Variants in AREL1 observed in about 807,000 individuals in gnomAD.
AREL1 encodes apoptosis-resistant E3 ubiquitin protein ligase 1.
AREL1 carries 62 observed loss-of-function variants against 99.0 expected under a neutral mutation model. The observed-to-expected ratio is 0.63, with a 90% CI of 0.51 to 0.77. The LOEUF (loss-of-function observed/expected upper bound fraction) is 0.77. Among genes scored for constraint, AREL1 ranks in the 30% least tolerant of loss-of-function variants. The pLI is 0.00. For synonymous variants in AREL1, 380 were observed against 376.5 expected (o/e 1.01, Z -0.11); for missense variants, 879 against 1,027.6 (o/e 0.86, Z 1.98).
At chr14:74,708,287 C>A (rs2090222144) in intron 1 of AREL1, among the ~76,000 whole-genome samples, 2 of 152,170 alleles carry the variant, frequency 1.3e-5, no homozygotes, top group African/African-American at 4.8e-5. Flanking sequence ...TTCTCACTCC[C>A]CCTTAGAATT....
In AREL1 at chr14:74,676,635, T is replaced by C. The variant is rs1327905185; in HGVS notation, c.599A>G (p.Asn200Ser). 2 of 1,613,936 alleles carry C rather than the reference T, an allele frequency of 1.2e-6. No individual in the cohort carries two copies. Among genetic ancestry groups the C allele is most frequent in the African/African-American group, 1.3e-5 (1 of 74,900 alleles). The change falls in exon 6 of 20, where the codon AAC becomes AGC. Residue 200 changes from asparagine (N) to serine (S), a missense_variant. Asn to Ser is a conservative substitution (Grantham distance 46). Transcript: ENST00000356357. ...VPRDEYDNPT[N>S]NSMSLRDEHN... ...CTCATCTCTCAAGGACATGGAATTG[T>C]TGGTGGGATTATCATACTCATCTCG...
At chr14:74,685,813 G>A (rs920192840) in intron 2 of AREL1, among the ~76,000 whole-genome samples, 153 bp from the exon 3 acceptor site, 4 of 152,178 alleles carry the variant, frequency 2.6e-5, no homozygotes, top group South Asian at 2.1e-4. Context: ...GACAGGTGCC[G>A]TATAATATAT....
At chr14:74,698,476 G>A (rs2090016160) in intron 1 of AREL1, among the ~76,000 whole-genome samples, 2 of 152,096 alleles carry the variant, frequency 1.3e-5, no homozygotes, top group African/African-American at 2.4e-5. Context: ...CCTCTTCATC[G>A]TTCATTCTTC....
chr14:74,688,286 A>C (rs2089794062), intron 2 of AREL1, among the ~76,000 whole-genome samples: 1 of 151,924 alleles, frequency 6.6e-6, no homozygotes, highest in Non-Finnish European at 1.5e-5. Flanking sequence ...CAGCCTCCCA[A>C]AGTGCTGGGA....
Position 74,676,890 on chromosome 14 carries a change from G to C in AREL1, c.482-138C>G, listed in dbSNP as rs943115898. Reference sequence around the variant, plus strand: ...CGGCTCACTGCAAGCTCTGCCTTCCGGGCTCATGCCATTCTCCTGCCTCAG... The same window carrying C: ...CGGCTCACTGCAAGCTCTGCCTTCCCGGCTCATGCCATTCTCCTGCCTCAG... On this transcript the variant is annotated intron_variant, in intron 5 of 19. Coordinates refer to ENST00000356357, the MANE Select transcript of AREL1 (RefSeq NM_001039479.2). 6.0e-6 allele frequency: 4 copies of C among 664,048 alleles called. No homozygotes were observed. In the South Asian group the frequency reaches 1.3e-4, roughly 22 times the overall value. 41.1% of individuals were successfully genotyped at this position (664,048 alleles called of 1,614,324 possible).
intron 1 of AREL1, among the ~76,000 whole-genome samples, chr14:74,700,573 T>C (rs984402012): frequency 5.9e-5 from 9 of 152,262 alleles, no homozygotes; most frequent in African/African-American, 2.2e-4. Flanking sequence ...GTTCAGGAGA[T>C]CGAGACCATT....
intron 11 of AREL1, among the ~76,000 whole-genome samples, chr14:74,672,496 G>A (rs565506124): frequency 6.6e-6 from 1 of 152,224 alleles, no homozygotes; most frequent in South Asian, 2.1e-4. Flanking sequence ...CAACACTTTG[G>A]GAGGCTGAGG....
intron 1 of AREL1, among the ~76,000 whole-genome samples, chr14:74,696,620 A>C (rs2089983742): frequency 6.6e-6 from 1 of 152,154 alleles, no homozygotes; most frequent in African/African-American, 2.4e-5. Flanking sequence ...TGAACTGGGA[A>C]GATCACTTGA....
In AREL1 at chr14:74,661,643, G is replaced by A. The variant is rs1191118300; in HGVS notation, c.*2077C>T. 1 of 187,094 alleles carries A rather than the reference G, an allele frequency of 5.3e-6. No individual in the cohort carries two copies. Among genetic ancestry groups the A allele is most frequent in the Non-Finnish European group, 1.1e-5 (1 of 88,794 alleles). 11.6% of individuals were successfully genotyped at this position (187,094 alleles called of 1,614,324 possible). ...CAAAACAGTAAAAGAAAAGGCCCAAGAGAGCAAAGATACTTTTGAATAGAG... is the reference window on the plus strand; with the variant it reads ...CAAAACAGTAAAAGAAAAGGCCCAAAAGAGCAAAGATACTTTTGAATAGAG... On this transcript the variant is annotated 3_prime_UTR_variant, in exon 20 of 20. Coordinates refer to ENST00000356357, the MANE Select transcript of AREL1 (RefSeq NM_001039479.2).
chr14:74,700,541 G>C (rs531385678), intron 1 of AREL1, among the ~76,000 whole-genome samples: 9 of 152,304 alleles, frequency 5.9e-5, no homozygotes, highest in Non-Finnish European at 7.3e-5. Context: ...CATTTTGGGA[G>C]GCCAAGGCAG....
At chr14:74,672,489 C>G (rs941752710) in intron 11 of AREL1, among the ~76,000 whole-genome samples, 1 of 152,200 alleles carries the variant, frequency 6.6e-6, no homozygotes, top group African/African-American at 2.4e-5. Context: ...GTAATCCCAA[C>G]ACTTTGGGAG....
rs779068832 is a variant in AREL1 at position 74,675,756 on chromosome 14, G to A, written c.1023C>T (p.Cys341=). 6.2e-7 allele frequency: 1 copy of A among 1,614,156 alleles called. No homozygotes were observed. Among genetic ancestry groups the A allele is most frequent in the South Asian group, 1.1e-5 (1 of 91,076 alleles). Residue 341 remains cysteine (C), a synonymous_variant, in exon 8 of 20, where the codon TGC becomes TGT. Transcript: ENST00000356357. ...DEEDEDSPSE[C]HTPEKVKKPK... ...GTTTCTTCACCTTCTCAGGGGTGTG[G>A]CACTCAGAGGGCGAGTCTTCATCTT...
intron 1 of AREL1, among the ~76,000 whole-genome samples, chr14:74,700,878 G>A (rs974724031): frequency 2.6e-5 from 4 of 152,152 alleles, no homozygotes; most frequent in Non-Finnish European, 5.9e-5. Context: ...TTTTAACCGA[G>A]AGAGAAAAAG....
intron 15 of AREL1, among the ~76,000 whole-genome samples, chr14:74,668,530 T>C (rs1471728178): frequency 1.3e-5 from 2 of 152,166 alleles, no homozygotes; most frequent in Non-Finnish European, 1.5e-5. Context: ...TAAGATTTAG[T>C]ATTCATATTA....
At chr14:74,680,047 C>T (rs898805685) in intron 5 of AREL1, among the ~76,000 whole-genome samples, 1 of 148,928 alleles carries the variant, frequency 6.7e-6, no homozygotes, top group Non-Finnish European at 1.5e-5. Flanking sequence ...GTGGTGGTGC[C>T]TGCCTGTAAT....
intron 5 of AREL1, among the ~76,000 whole-genome samples, chr14:74,681,637 G>A (rs567681830): frequency 6.6e-6 from 1 of 152,068 alleles, no homozygotes; most frequent in Admixed American, 6.6e-5. Flanking sequence ...GCTGGGCGTG[G>A]TGGCACGTGC....
chr14:74,691,515 G>C (rs533211861), intron 2 of AREL1, among the ~76,000 whole-genome samples: 31 of 152,258 alleles, frequency 2.0e-4, no homozygotes, highest in Middle Eastern at 6.8e-3. Flanking sequence ...GAATCTCATA[G>C]CAAGGCTAAA....
chr14:74,705,043 G>GTT lies in AREL1; in HGVS notation c.-334+7888_-334+7889dup, dbSNP rs58161849. ...ACTATTTAAGTTACAGTCTTCTGTTGTTTTTTTTTTTTTGAGACGGAGTTT... is the reference window on the plus strand; with the variant it reads ...ACTATTTAAGTTACAGTCTTCTGTTGTTTTTTTTTTTTTTTGAGACGGAGTTT... On this transcript the variant is annotated intron_variant, in intron 1 of 19. Transcript: ENST00000356357. 5.6e-4 allele frequency among the ~76,000 whole-genome samples: 81 copies of GTT among 143,984 alleles called. No homozygotes were observed. The East Asian group carries it at 8.0e-3, about 14-fold the overall frequency. The allele number at this position is 143,984 out of a possible 152,430, so 94.5% of individuals were successfully genotyped here. A position where few individuals can be genotyped will look rare whatever the true frequency, so the allele number is the denominator to read the frequency against.
chr14:74,684,758 T>A, intron 3 of AREL1, 78 bp from the exon 4 acceptor site: 1 of 1,346,272 alleles, frequency 7.4e-7, no homozygotes, highest in Non-Finnish European at 1.0e-6. Context: ...GCCAGCCATT[T>A]CTCAAAAATT....
Sources: gnomAD v4.1 joint callset for allele counts (sites outside exome capture counted in the v4.1 genomes callset) on GRCh38, gnomAD v4.1.1 for gene constraint, MANE v1.5 for transcripts, NCBI Gene and HGNC (gene_info 2026-07-23, HGNC 2026-07-21) for gene names.